CTNND2: variants seen among roughly 807,000 people sequenced by gnomAD.
CTNND2 encodes the protein catenin delta 2.
Under a neutral mutation model 144.4 loss-of-function variants are expected in CTNND2, and 22 were observed. The ratio of observed to expected loss-of-function variants is 0.15; its 90% CI spans 0.11 to 0.22. The LOEUF is 0.22. Ranked by LOEUF, CTNND2 falls within the 10% of genes least tolerant of loss-of-function variation. The pLI is 1.00. For synonymous variants in CTNND2, 751 were observed against 695.6 expected, an observed-to-expected ratio of 1.08 and a Z score of -1.25; for missense variants, 1,353 against 1,618.8, an observed-to-expected ratio of 0.84 and a Z score of 2.82.
chr5:11,662,761 A>G (rs962589075), intron 2 of CTNND2, among the ~76,000 whole-genome samples: 18 of 152,234 alleles, frequency 1.2e-4, no homozygotes, highest in African/African-American at 4.3e-4. Flanking sequence ...TGCACCCTCT[A>G]TGAGATGGGA....
chr5:11,469,200 G>A (rs1766934441), intron 3 of CTNND2, among the ~76,000 whole-genome samples: 1 of 152,192 alleles, frequency 6.6e-6, no homozygotes, highest in African/African-American at 2.4e-5. Context: ...GCCTAAGGAT[G>A]TAAAACAAAG....
intron 2 of CTNND2, among the ~76,000 whole-genome samples, chr5:11,717,030 G>C (rs1359829321): frequency 6.6e-6 from 1 of 151,768 alleles, no homozygotes; most frequent in African/African-American, 2.4e-5. Context: ...ACAATGCCCA[G>C]CTAATTGTTG....
intron 1 of CTNND2, among the ~76,000 whole-genome samples, chr5:11,828,079 G>T (rs1019439492): frequency 6.6e-6 from 1 of 152,192 alleles, no homozygotes; most frequent in Admixed American, 6.5e-5. Flanking sequence ...GACAGACTCT[G>T]ATATGGTTTG....
intron 9 of CTNND2, among the ~76,000 whole-genome samples, chr5:11,286,587 C>T (rs1218613806): frequency 6.6e-6 from 1 of 152,188 alleles, no homozygotes; most frequent in African/African-American, 2.4e-5. Context: ...AAGTCACAGA[C>T]CACTAACAAT....
chr5:11,720,648 G>A (rs770409425), intron 2 of CTNND2, among the ~76,000 whole-genome samples: 11 of 152,064 alleles, frequency 7.2e-5, no homozygotes, highest in Non-Finnish European at 1.5e-4. Context: ...ATGCTGCCGC[G>A]ACTCATGTTT....
chr5:11,656,415 C>T (rs1199806743), intron 2 of CTNND2, among the ~76,000 whole-genome samples: 3 of 106,956 alleles, frequency 2.8e-5, no homozygotes, highest in Non-Finnish European at 7.5e-5. Context: ...CTGAACACTC[C>T]CAGAAAAAAA....
At chr5:11,779,226 T>C (rs949392137) in intron 1 of CTNND2, among the ~76,000 whole-genome samples, 2 of 152,204 alleles carry the variant, frequency 1.3e-5, no homozygotes, top group Non-Finnish European at 2.9e-5. Flanking sequence ...TATGAATTTT[T>C]TAACCATATA....
chr5:11,574,605 A>G (rs1777831767), intron 2 of CTNND2, among the ~76,000 whole-genome samples: 2 of 152,204 alleles, frequency 1.3e-5, no homozygotes, highest in African/African-American at 4.8e-5. Context: ...AAATATTAGA[A>G]TTATTATGTC....
chr5:11,419,963 C>G (rs1762235998), intron 3 of CTNND2, among the ~76,000 whole-genome samples: 1 of 152,056 alleles, frequency 6.6e-6, no homozygotes, highest in African/African-American at 2.4e-5. Flanking sequence ...TTTTGTTAGT[C>G]TGCTTTTGAG....
intron 11 of CTNND2, among the ~76,000 whole-genome samples, chr5:11,163,955 G>C (rs1288069457): frequency 6.6e-6 from 1 of 152,110 alleles, no homozygotes; most frequent in East Asian, 1.9e-4. Flanking sequence ...TTATAGGTTT[G>C]TGTTTGGAGG....
intron 16 of CTNND2, among the ~76,000 whole-genome samples, chr5:11,053,607 T>G (rs1246031306): frequency 1.3e-5 from 2 of 152,258 alleles, no homozygotes; most frequent in African/African-American, 4.8e-5. Flanking sequence ...AAGATATATG[T>G]GCATGGGGCC....
intron 16 of CTNND2, among the ~76,000 whole-genome samples, chr5:11,065,913 C>T (rs1245472652): frequency 2.0e-5 from 3 of 152,202 alleles, no homozygotes; most frequent in Admixed American, 6.5e-5. Flanking sequence ...CAGGCCCTCC[C>T]CATCCTGAAG....
intron 1 of CTNND2, among the ~76,000 whole-genome samples, chr5:11,816,488 C>T (rs1174081905): frequency 4.0e-5 from 6 of 150,732 alleles, no homozygotes; most frequent in African/African-American, 1.5e-4. Context: ...AATAGAGGGG[C>T]CGCAGTCAGC....
intron 11 of CTNND2, among the ~76,000 whole-genome samples, chr5:11,198,498 T>C (rs1187756582): frequency 6.6e-6 from 1 of 152,226 alleles, no homozygotes; most frequent in African/African-American, 2.4e-5. Flanking sequence ...TGTATTTTCT[T>C]TAAAAACACA....
intron 16 of CTNND2, among the ~76,000 whole-genome samples, chr5:11,033,745 G>T (rs953642594): frequency 6.6e-6 from 1 of 152,110 alleles, no homozygotes; most frequent in Admixed American, 6.5e-5. Context: ...CAGGAGAATC[G>T]CTTGAACCTG....
rs1258403619 is a variant in CTNND2, at chr5:11,641,714, G to GTA, written c.175-76660_175-76659dup. 1.2e-3 allele frequency among the ~76,000 whole-genome samples: 136 copies of GTA among 108,960 alleles called. 4 individuals are homozygous for GTA. In the East Asian group the frequency reaches 0.016, roughly 13 times the overall value. 71.5% of individuals were successfully genotyped at this position (108,960 alleles called of 152,430 possible). A position where few individuals can be genotyped will look rare whatever the true frequency, so the allele number is the denominator to read the frequency against. On this transcript the variant is annotated intron_variant, in intron 2 of 21. Coordinates refer to ENST00000304623, the MANE Select transcript of CTNND2 (RefSeq NM_001332.4). ...TGTGTGTATATACATATACGTGTGTGTATACATATACGTGTGTGTATATAC... is the reference window on the plus strand; with the variant it reads ...TGTGTGTATATACATATACGTGTGTGTATATACATATACGTGTGTGTATATAC...
chr5:11,080,147 T>A (rs535131868), intron 16 of CTNND2, among the ~76,000 whole-genome samples: 6 of 152,088 alleles, frequency 3.9e-5, no homozygotes, highest in African/African-American at 1.4e-4. Context: ...ATAACCTGAT[T>A]AAAAAATGGA....
intron 1 of CTNND2, among the ~76,000 whole-genome samples, chr5:11,866,766 C>T (rs567987636): frequency 9.9e-5 from 15 of 152,202 alleles, no homozygotes; most frequent in South Asian, 2.1e-4. Flanking sequence ...TGCAAAATAA[C>T]GCACAGGGAG....
intron 12 of CTNND2, among the ~76,000 whole-genome samples, chr5:11,159,337 T>C (rs566525207): frequency 1.3e-5 from 2 of 152,356 alleles, no homozygotes; most frequent in South Asian, 2.1e-4. Context: ...TTTTTCACCT[T>C]AGACCTAAGA....
Sources: allele counts gnomAD v4.1 joint callset (sites outside exome capture counted in the v4.1 genomes callset), GRCh38; gene constraint gnomAD v4.1.1; transcripts MANE v1.5; gene names NCBI Gene and HGNC (gene_info 2026-07-23, HGNC 2026-07-21).